Variants in TRPM1 observed in about 807,000 individuals in gnomAD.
TRPM1 encodes the protein transient receptor potential cation channel subfamily M member 1, also known as TRPM1-203 APA Isoform, Intron 10.
TRPM1 carries 113 observed loss-of-function variants against 149.4 expected under a neutral mutation model. That is an observed-to-expected ratio of 0.76 (90% CI 0.65 to 0.88). The LOEUF (loss-of-function observed/expected upper bound fraction) is 0.88. Ranked by LOEUF, TRPM1 falls within the 40% of genes least tolerant of loss-of-function variation. The pLI, the probability that TRPM1 is intolerant of heterozygous loss-of-function variation, is 0.00. For synonymous variants in TRPM1, 741 were observed against 759.5 expected, an observed-to-expected ratio of 0.98 and a Z score of 0.40; for missense variants, 1,976 against 2,038.7, an observed-to-expected ratio of 0.97 and a Z score of 0.59.
intron 1 of TRPM1, among the ~76,000 whole-genome samples, chr15:31,100,063 C>G (rs1371044423): frequency 6.6e-6 from 1 of 151,324 alleles, no homozygotes; most frequent in East Asian, 1.9e-4. Context: ...TTCTTTGTTT[C>G]TTTCTTCTTT....
upstream of TRPM1, among the ~76,000 whole-genome samples, chr15:31,102,401 AT>A (rs1329827333): frequency 6.6e-6 from 1 of 152,162 alleles, no homozygotes; most frequent in East Asian, 1.9e-4. Context: ...ACCCTGAACT[AT>A]CCCTCTCTGC....
rs2031744374 is a variant in TRPM1, at chr15:31,001,160, C to T, written c.*662G>A. 6.6e-6 allele frequency: 1 copy of T among 151,946 alleles called. No homozygotes were observed. The highest frequency in any genetic ancestry group is 1.5e-5 in the Non-Finnish European group (1 of 67,974). 9.4% of individuals were successfully genotyped at this position (151,946 alleles called of 1,614,324 possible). ...TTTGATATAATTGTGTACTTTTTTT[C>T]CCATTGTGTAGTTTAAAATAAAACA... is the stretch of plus-strand genomic sequence containing the variant. On this transcript the variant is annotated 3_prime_UTR_variant, in exon 28 of 28. Transcript: ENST00000256552.
intron 1 of TRPM1, among the ~76,000 whole-genome samples, chr15:31,093,835 T>C (rs2141005397): frequency 6.6e-6 from 1 of 152,156 alleles, no homozygotes. Flanking sequence ...ACTCCTGACC[T>C]CAAGTGATCT....
intron 1 of TRPM1, among the ~76,000 whole-genome samples, chr15:31,100,201 C>G (rs929016170): frequency 6.6e-6 from 1 of 151,688 alleles, no homozygotes; most frequent in East Asian, 1.9e-4. Flanking sequence ...CTCAGCCTCT[C>G]GAGTAGCTGG....
chr15:31,082,108 G>A (rs2034875402), intron 1 of TRPM1, among the ~76,000 whole-genome samples: 1 of 152,184 alleles, frequency 6.6e-6, no homozygotes, highest in Non-Finnish European at 1.5e-5. Context: ...GGGAGACCCT[G>A]CAGGTGCCAC....
At chr15:31,156,387 C>T (rs567099428) in intron 1 of TRPM1, among the ~76,000 whole-genome samples, 1 of 152,090 alleles carries the variant, frequency 6.6e-6, no homozygotes. Context: ...GAGAGTCTAG[C>T]ACCTTTTAAA....
chr15:31,084,924 G>A (rs2034960426), intron 1 of TRPM1, among the ~76,000 whole-genome samples: 1 of 150,964 alleles, frequency 6.6e-6, no homozygotes, highest in South Asian at 2.1e-4. Flanking sequence ...CCTGACCTCA[G>A]GTGATCCACC....
chr15:31,160,330 G>A (rs543865298), intron 1 of TRPM1, among the ~76,000 whole-genome samples: 3 of 152,284 alleles, frequency 2.0e-5, no homozygotes, highest in East Asian at 1.9e-4. Flanking sequence ...GGGAGAGGCC[G>A]TTCCCCACAG....
intron 1 of TRPM1, among the ~76,000 whole-genome samples, chr15:31,149,526 C>CTT (rs770015508): frequency 1.6e-4 from 20 of 122,788 alleles, no homozygotes; most frequent in Non-Finnish European, 2.0e-4. Context: ...CTCTCTCTCT[C>CTT]TTTTTTTTTT....
Position 31,063,228 on chromosome 15 carries a change from G to T in TRPM1, c.855C>A (p.Ile285=), listed in dbSNP as rs746460144. Residue 285 remains isoleucine (I), a synonymous_variant, in exon 8 of 28, where the codon ATC becomes ATA. Coordinates refer to ENST00000256552, the MANE Select transcript of TRPM1 (RefSeq NM_001252024.2). ...GCTCTTCTTGCAGGTATTCCAAGAC[G>T]ATGGACACCACGTTAGGGCCCCCCT... ...VVEGGPNVVS[I]VLEYLQEEPP... The T allele has an allele frequency of 2.5e-6, 4 of 1,614,012 alleles. No homozygotes were observed. In the South Asian group the frequency reaches 3.3e-5, roughly 13 times the overall value.
At chr15:31,069,502 AACG>A in intron 4 of TRPM1, 3 of 1,099,012 alleles carry the variant, frequency 2.7e-6, no homozygotes, top group Admixed American at 4.5e-5. Context: ...AGTGAGCTGG[AACG>A]GATCACAGAG....
chr15:31,148,042 C>A (rs754615807), intron 1 of TRPM1, among the ~76,000 whole-genome samples: 12 of 152,132 alleles, frequency 7.9e-5, no homozygotes, highest in Non-Finnish European at 1.8e-4. Flanking sequence ...GCAGAGGCTG[C>A]GAAGAGAGAG....
intron 1 of TRPM1, among the ~76,000 whole-genome samples, chr15:31,150,048 C>A (rs1280674298): frequency 6.6e-6 from 1 of 152,214 alleles, no homozygotes; most frequent in Non-Finnish European, 1.5e-5. Context: ...AGGGGTAAAG[C>A]CCATTCTCCA....
rs535011688 is a variant in TRPM1, at chr15:31,050,470, C to T, written c.1376G>A (p.Gly459Glu). The T allele has an allele frequency of 6.2e-7, 1 of 1,614,110 alleles. No individual in the cohort carries two copies. The highest frequency in any genetic ancestry group is 8.5e-7 in the Non-Finnish European group (1 of 1,180,022). The change falls in exon 12 of 28, where the codon GGG becomes GAG. Residue 459 changes from glycine to glutamate, a missense_variant. Gly to Glu is a moderately conservative substitution (Grantham distance 98). Coordinates refer to ENST00000256552, the MANE Select transcript of TRPM1 (RefSeq NM_001252024.2). ...TTCCTCCACTTCCTCTTTCACTTTC[C>T]CTTTCTTCTTGCCTTTCCCTTTTCC... The part of the protein sequence containing the change: ...GRGKGKGKKK[G>E]KVKEEVEEET...
chr15:31,045,547 A>G (rs963235825), intron 16 of TRPM1, among the ~76,000 whole-genome samples: 5 of 152,188 alleles, frequency 3.3e-5, no homozygotes, highest in Non-Finnish European at 7.3e-5. Context: ...GCCAATAGGT[A>G]AGAATTATAA....
chr15:31,134,483 T>C (rs1354047984), intron 1 of TRPM1, among the ~76,000 whole-genome samples: 1 of 152,194 alleles, frequency 6.6e-6, no homozygotes, highest in Non-Finnish European at 1.5e-5. Context: ...TAAAGGTGTC[T>C]GCCTCTCTGC....
At chr15:31,104,982 T>G (rs1451896429), upstream of TRPM1, among the ~76,000 whole-genome samples, 2 of 152,224 alleles carry the variant, frequency 1.3e-5, no homozygotes, top group Non-Finnish European at 2.9e-5. Context: ...TGGGCAGATT[T>G]GGTCACTCTG....
In TRPM1 at chr15:31,002,592, T is replaced by C. The variant is rs1276884180; in HGVS notation, c.4108A>G (p.Asn1370Asp). Residue 1370 changes from asparagine (N) to aspartate (D), a missense_variant, in exon 28 of 28, where the codon AAC becomes GAC. Coordinates refer to ENST00000256552, the MANE Select transcript of TRPM1 (RefSeq NM_001252024.2). ...GGACCTAATTTTGACTCTTCAGCGTTCTTTAAGTCATCTACTGCAAGGTGA... is the reference window on the plus strand; with the variant it reads ...GGACCTAATTTTGACTCTTCAGCGTCCTTTAAGTCATCTACTGCAAGGTGA... ...GSHLAVDDLK[N>D]AEESKLGPDI... 1 of 1,614,222 alleles carries C rather than the reference T, an allele frequency of 6.2e-7. No homozygotes were observed. The highest frequency in any genetic ancestry group is 2.2e-5 in the East Asian group (1 of 44,894).
intron 1 of TRPM1, among the ~76,000 whole-genome samples, chr15:31,152,932 T>A (rs558903006): frequency 1.3e-5 from 2 of 152,314 alleles, no homozygotes; most frequent in South Asian, 4.1e-4. Context: ...CATGAGCCAC[T>A]GCACCCAGCC....
Sources: gnomAD v4.1 joint callset for allele counts (sites outside exome capture counted in the v4.1 genomes callset) on GRCh38, gnomAD v4.1.1 for gene constraint, MANE v1.5 for transcripts, NCBI Gene and HGNC (gene_info 2026-07-23, HGNC 2026-07-21) for gene names.